Variants in RPS6KC1 observed in about 807,000 individuals in gnomAD.
The protein encoded by RPS6KC1 is inactive ribosomal protein S6 kinase delta-1.
RPS6KC1 carries 54 observed loss-of-function variants against 103.8 expected under a neutral mutation model. The observed-to-expected ratio is 0.52, with a 90% CI of 0.42 to 0.65. The LOEUF (loss-of-function observed/expected upper bound fraction) is 0.65, where lower values mean the gene tolerates loss of function less well. RPS6KC1 is among the 30% of genes least tolerant of loss of function. RPS6KC1 has a pLI of 0.00. For missense variants in RPS6KC1, 1,151 were observed against 1,253.8 expected (o/e 0.92, Z 1.24); for synonymous variants, 439 against 438.7 (o/e 1.00, Z -0.01).
chr1:213,205,536 T>TATATATATATATATA (rs1553378413), intron 8 of RPS6KC1: 17 of 82,306 alleles, frequency 2.1e-4, no homozygotes, highest in East Asian at 1.4e-3. Flanking sequence ...ACAAACTCAT[T>TATATATATATATATA]TATATATATA....
At chr1:213,855,123 A>G in the RPS6KC1 span, among the ~76,000 whole-genome samples, 1 of 152,330 alleles carries the variant, frequency 6.6e-6, no homozygotes, top group South Asian at 2.1e-4. Context: ...TTTAACCTTA[A>G]TTATATTCCT....
At chr1:213,591,471 G>T in the RPS6KC1 span, among the ~76,000 whole-genome samples, 44 of 152,236 alleles carry the variant, frequency 2.9e-4, no homozygotes, top group South Asian at 8.9e-3. Flanking sequence ...CCCAGCTAGT[G>T]CATGCCCCTC....
chr1:213,567,971 T>A, the RPS6KC1 span, among the ~76,000 whole-genome samples: 1 of 152,222 alleles, frequency 6.6e-6, no homozygotes, highest in Non-Finnish European at 1.5e-5. Context: ...TTTTTCCAGT[T>A]GCCTGTCAGG....
chr1:213,295,392 C>T, the RPS6KC1 span, among the ~76,000 whole-genome samples: 2 of 152,144 alleles, frequency 1.3e-5, no homozygotes, highest in Non-Finnish European at 2.9e-5. Flanking sequence ...ATTGGGATGT[C>T]TTCTTTCTTT....
At chr1:213,326,598 G>C in the RPS6KC1 span, among the ~76,000 whole-genome samples, 9 of 152,142 alleles carry the variant, frequency 5.9e-5, no homozygotes, top group Non-Finnish European at 7.4e-5. Context: ...TCCCTTCCCT[G>C]TTTCCTCTTC....
chr1:213,476,416 G>A, the RPS6KC1 span, among the ~76,000 whole-genome samples: 1 of 152,174 alleles, frequency 6.6e-6, no homozygotes, highest in African/African-American at 2.4e-5. Context: ...CTGCACATTA[G>A]ATCTGCTTCA....
chr1:213,192,656 A>G (rs1287500445), intron 8 of RPS6KC1, among the ~76,000 whole-genome samples: 6 of 152,080 alleles, frequency 3.9e-5, no homozygotes, highest in Non-Finnish European at 8.8e-5. Flanking sequence ...CAGAACACCA[A>G]CTTTTTGGTT....
chr1:213,845,928 G>C, the RPS6KC1 span, among the ~76,000 whole-genome samples: 1 of 152,028 alleles, frequency 6.6e-6, no homozygotes, highest in African/African-American at 2.4e-5. Context: ...GGGACCCCTA[G>C]GGTATTTCTC....
At chr1:213,607,976 G>T in the RPS6KC1 span, among the ~76,000 whole-genome samples, 3 of 152,288 alleles carry the variant, frequency 2.0e-5, no homozygotes, top group Non-Finnish European at 2.9e-5. Context: ...AGAACGCTGT[G>T]GCTGTTAACA....
the RPS6KC1 span, among the ~76,000 whole-genome samples, chr1:213,363,630 CT>C: frequency 5.0e-5 from 1 of 19,916 alleles, no homozygotes; most frequent in African/African-American, 2.5e-4. Context: ...TGCTTGCTTT[CT>C]TTCTTTCTTT....
the RPS6KC1 span, among the ~76,000 whole-genome samples, chr1:213,524,537 C>G: frequency 2.3e-4 from 35 of 152,318 alleles, 1 homozygote; most frequent in Middle Eastern, 3.4e-3. Context: ...GCCCTTGGAA[C>G]CCCTTCTTCT....
At chr1:213,204,237 G>A (rs1013547479) in intron 8 of RPS6KC1, among the ~76,000 whole-genome samples, 1 of 152,158 alleles carries the variant, frequency 6.6e-6, no homozygotes, top group Admixed American at 6.5e-5. Context: ...GTGTTGAATT[G>A]ACTTTTGTTG....
the RPS6KC1 span, among the ~76,000 whole-genome samples, chr1:213,781,069 G>C: frequency 6.6e-5 from 10 of 152,256 alleles, no homozygotes; most frequent in Admixed American, 6.5e-4. Flanking sequence ...TCTCAATCTA[G>C]ATTGAGAAAG....
the RPS6KC1 span, among the ~76,000 whole-genome samples, chr1:213,422,192 C>T: frequency 6.6e-6 from 1 of 152,180 alleles, no homozygotes; most frequent in Non-Finnish European, 1.5e-5. Flanking sequence ...TTCCTCCAGC[C>T]CTCATCTCTA....
At chr1:213,205,322 T>A in intron 8 of RPS6KC1, 1 of 984,858 alleles carries the variant, frequency 1.0e-6, no homozygotes, top group South Asian at 4.7e-5. Flanking sequence ...GCAAGCTAGA[T>A]AAAGATAAGT....
chr1:213,406,253 T>A, the RPS6KC1 span, among the ~76,000 whole-genome samples: 1 of 152,226 alleles, frequency 6.6e-6, no homozygotes, highest in African/African-American at 2.4e-5. Context: ...TGAGATGCTC[T>A]CTCATGGGCA....
the RPS6KC1 span, among the ~76,000 whole-genome samples, chr1:213,783,483 C>T: frequency 5.8e-4 from 88 of 152,266 alleles, 1 homozygote; most frequent in East Asian, 0.016. Flanking sequence ...TGCCTCCCCC[C>T]CTCAGATCTC....
At chr1:213,330,204 G>A in the RPS6KC1 span, among the ~76,000 whole-genome samples, 2 of 152,154 alleles carry the variant, frequency 1.3e-5, no homozygotes, top group Non-Finnish European at 2.9e-5. Flanking sequence ...TACGGACTTG[G>A]GATTTTAGTT....
At chr1:213,784,090 G>C in the RPS6KC1 span, among the ~76,000 whole-genome samples, 7 of 152,254 alleles carry the variant, frequency 4.6e-5, no homozygotes, top group South Asian at 8.3e-4. Flanking sequence ...TTGTGCCTCC[G>C]CTCAGCTAAT....
Sources: allele counts gnomAD v4.1 joint callset (sites outside exome capture counted in the v4.1 genomes callset), GRCh38; gene constraint gnomAD v4.1.1; transcripts MANE v1.5; gene names NCBI Gene and HGNC (gene_info 2026-07-23, HGNC 2026-07-21).